The following CCDC18 variants were observed in gnomAD, a reference collection of about 807,000 sequenced individuals.
CCDC18 encodes coiled-coil domain containing 18, also known as coiled-coil domain-containing protein 18.
In CCDC18, 157 loss-of-function variants were observed where a neutral mutation model predicts 196.0. The observed-to-expected ratio is 0.80, with a 90% CI of 0.70 to 0.91. The LOEUF (loss-of-function observed/expected upper bound fraction) is 0.91. Ranked by LOEUF, CCDC18 falls within the 40% of genes least tolerant of loss-of-function variation. The probability of loss-of-function intolerance (pLI) is 0.00; values close to 1 mark genes in which losing one functional copy is unlikely to be tolerated. For missense variants in CCDC18, 1,465 were observed against 1,611.6 expected, an observed-to-expected ratio of 0.91 and a Z score of 1.56; for synonymous variants, 482 against 529.2, an observed-to-expected ratio of 0.91 and a Z score of 1.22.
chr1:93,197,909 G>A (rs1399558950), intron 6 of CCDC18, among the ~76,000 whole-genome samples: 1 of 151,762 alleles, frequency 6.6e-6, no homozygotes, highest in African/African-American at 2.4e-5. Flanking sequence ...CCACCACCAT[G>A]CCTGGCTAAT....
At chr1:93,241,113 C>T (rs932995569) in intron 21 of CCDC18, among the ~76,000 whole-genome samples, 16 of 152,188 alleles carry the variant, frequency 1.1e-4, no homozygotes, top group African/African-American at 2.2e-4. Context: ...TGCCACCACG[C>T]CTGGCTAATT....
intron 21 of CCDC18, among the ~76,000 whole-genome samples, chr1:93,242,845 A>C (rs965713653): frequency 3.3e-5 from 5 of 152,224 alleles, no homozygotes; most frequent in African/African-American, 9.6e-5. Flanking sequence ...AAAATGATCT[A>C]TTTTGACTCC....
At chr1:93,182,844 C>T (rs566536187) in intron 1 of CCDC18, among the ~76,000 whole-genome samples, 1 of 152,198 alleles carries the variant, frequency 6.6e-6, no homozygotes, top group South Asian at 2.1e-4. Context: ...TGTAATGATA[C>T]CATTTAATCA....
intron 17 of CCDC18, among the ~76,000 whole-genome samples, chr1:93,228,562 C>T (rs1658765699): frequency 6.6e-6 from 1 of 151,456 alleles, no homozygotes. Flanking sequence ...TTCTGTCTAC[C>T]TTCCCTTATG....
In CCDC18 at chr1:93,180,829, G is replaced by C. The variant is rs1229852051; in HGVS notation, c.-26G>C. ...GTCAGAGGCTTCCTAACGCAGACTC[G>C]AGTGCGAAGCGCGCAGTCGCCGGGT... is the stretch of plus-strand genomic sequence containing the variant. On this transcript the variant is annotated 5_prime_UTR_variant, in exon 1 of 29. Transcript: ENST00000690025. 7.3e-7 allele frequency: 1 copy of C among 1,367,604 alleles called. No individual in the cohort carries two copies. The allele number at this position is 1,367,604 out of a possible 1,614,324, so 84.7% of individuals were successfully genotyped here. A position where few individuals can be genotyped will look rare whatever the true frequency, so the allele number is the denominator to read the frequency against.
chr1:93,200,863 G>A (rs1165109804), intron 6 of CCDC18, among the ~76,000 whole-genome samples: 2 of 152,214 alleles, frequency 1.3e-5, no homozygotes, highest in Non-Finnish European at 2.9e-5. Flanking sequence ...ATAGAGGAAA[G>A]CACAATACGT....
chr1:93,204,384 G>T (rs968902294), intron 7 of CCDC18, among the ~76,000 whole-genome samples: 1 of 152,108 alleles, frequency 6.6e-6, no homozygotes, highest in African/African-American at 2.4e-5. Flanking sequence ...GATTTTCATA[G>T]CGTAAGGAGG....
rs538953281 is a variant in CCDC18, at chr1:93,268,688, C to T, written c.3886-1659C>T. Among the ~76,000 whole-genome samples, 39 of 152,276 alleles carry T rather than the reference C, an allele frequency of 2.6e-4. 1 individual carries two copies. The South Asian group carries it at 7.9e-3, about 31-fold the overall frequency. ...ACACATGAAAAAATGTTCATCATCA[C>T]TGGTCATCAGAGAAATGCAAATCAA... On this transcript the variant is annotated intron_variant, in intron 27 of 28. Transcript: ENST00000690025.
chr1:93,180,477 C>G, upstream of CCDC18: 1 of 1,503,880 alleles, frequency 6.6e-7, no homozygotes, highest in Non-Finnish European at 9.0e-7. Context: ...TCTCGGCCCC[C>G]TCAGGCCAGG....
intron 4 of CCDC18, among the ~76,000 whole-genome samples, chr1:93,188,789 A>G (rs1370897244): frequency 1.3e-5 from 2 of 152,142 alleles, no homozygotes; most frequent in Non-Finnish European, 2.9e-5. Flanking sequence ...TCAGGCTGGA[A>G]ACTTGTATCT....
rs370628145 is a variant in CCDC18 at position 93,191,611 on chromosome 1, C to T, written c.463-389C>T. On this transcript the variant is annotated intron_variant, in intron 4 of 28. Coordinates refer to ENST00000690025, the MANE Select transcript of CCDC18 (RefSeq NM_001378204.1). ...CTGTATTTAGATTCTTCCTAGTAAG[C>T]ATGTATTCTATAATTAGGTTTTTAA... Among the ~76,000 whole-genome samples the T allele has an allele frequency of 1.6e-3, 238 of 152,210 alleles. 10 individuals carry two copies. In the South Asian group the frequency reaches 0.048, roughly 31 times the overall value.
At chr1:93,232,874 G>GAC (rs1271475688) in intron 18 of CCDC18, among the ~76,000 whole-genome samples, 1 of 152,148 alleles carries the variant, frequency 6.6e-6, no homozygotes, top group Non-Finnish European at 1.5e-5. Flanking sequence ...AGGAGGCTGA[G>GAC]ACACAAGAAT....
At position 93,222,353 on chromosome 1, in the gene CCDC18, C is replaced by A. The variant is rs552864854; in HGVS notation, c.2175+417C>A. Among the ~76,000 whole-genome samples the A allele has an allele frequency of 1.5e-4, 23 of 151,934 alleles. No homozygotes were observed. In the East Asian group the frequency reaches 1.5e-3, roughly 10 times the overall value. ...TATCTAGCCTCTTTTTGTCTTAAAA[C>A]AGTTTTTATAACCCTAAAAATTGTT... On this transcript the variant is annotated intron_variant, in intron 16 of 28. Coordinates refer to ENST00000690025, the MANE Select transcript of CCDC18 (RefSeq NM_001378204.1).
chr1:93,191,370 T>TG (rs1651767181), intron 4 of CCDC18, among the ~76,000 whole-genome samples: 1 of 152,234 alleles, frequency 6.6e-6, no homozygotes, highest in African/African-American at 2.4e-5. Context: ...AGAGGATGAC[T>TG]GTTACTTGCA....
Position 93,180,963 on chromosome 1 carries a change from G to A in CCDC18, c.-3+111G>A, listed in dbSNP as rs143520004. ...CTTTCCCTCCCGGCACCTTGGATGCGCTGGGACTGGTCCTCGTGGTTGCTG... is the reference window on the plus strand; with the variant it reads ...CTTTCCCTCCCGGCACCTTGGATGCACTGGGACTGGTCCTCGTGGTTGCTG... On this transcript the variant is annotated intron_variant, in intron 1 of 28. Coordinates refer to ENST00000690025, the MANE Select transcript of CCDC18 (RefSeq NM_001378204.1). The A allele has an allele frequency of 6.0e-3, 6,243 of 1,040,112 alleles. 31 individuals are homozygous for A. Among genetic ancestry groups the A allele is most frequent in the Middle Eastern group, 0.034 (144 of 4,214 alleles). 64.4% of individuals were successfully genotyped at this position (1,040,112 alleles called of 1,614,324 possible).
At chr1:93,213,858 A>C (rs1451851484) in intron 11 of CCDC18, among the ~76,000 whole-genome samples, 1 of 152,224 alleles carries the variant, frequency 6.6e-6, no homozygotes, top group Non-Finnish European at 1.5e-5. Flanking sequence ...GAACAGAGCC[A>C]ATAAAAAGTA....
Position 93,256,416 on chromosome 1 carries a change from G to T in CCDC18, c.3424G>T (p.Glu1142Ter). 6.2e-7 allele frequency: 1 copy of T among 1,614,070 alleles called. No homozygotes were observed. The highest frequency in any genetic ancestry group is 1.1e-5 in the South Asian group (1 of 91,076). The part of the protein sequence containing the change: ...DLGQELRLTR[E>*]QVQNSHTELA... Reference sequence around the variant, plus strand: ...GGGGCAAGAATTGAGGCTGACCCGGGAGCAGGTGCAGAACTCTCATACAGA... The same window carrying T: ...GGGGCAAGAATTGAGGCTGACCCGGTAGCAGGTGCAGAACTCTCATACAGA... The change falls in exon 25 of 29, where the codon GAG (glutamate) becomes TAG (stop). Residue 1142 changes from glutamate (E) to a stop codon, truncating the protein, a stop_gained. Coordinates refer to ENST00000690025, the MANE Select transcript of CCDC18 (RefSeq NM_001378204.1). LOFTEE classifies it high-confidence loss of function.
chr1:93,180,712 G>A (rs986879124), upstream of CCDC18: 6 of 1,359,262 alleles, frequency 4.4e-6, no homozygotes, highest in African/African-American at 3.0e-5. Context: ...GCGTCCCAAC[G>A]GCTCCCGCGG....
chr1:93,247,551 G>A (rs191303132), intron 23 of CCDC18, among the ~76,000 whole-genome samples: 5 of 152,040 alleles, frequency 3.3e-5, no homozygotes, highest in Admixed American at 2.6e-4. Flanking sequence ...AAGTAGCTGG[G>A]ACTACAGGCG....
Sources: gnomAD v4.1 joint callset for allele counts (sites outside exome capture counted in the v4.1 genomes callset) on GRCh38, gnomAD v4.1.1 for gene constraint, MANE v1.5 for transcripts, NCBI Gene and HGNC (gene_info 2026-07-23, HGNC 2026-07-21) for gene names.